The following MYL5 variants were observed in gnomAD, a reference collection of about 807,000 sequenced individuals.
The protein encoded by MYL5 is myosin regulatory light chain 5.
Under a neutral mutation model 20.8 loss-of-function variants are expected in MYL5, and 28 were observed. That is an observed-to-expected ratio of 1.35 (90% CI 1.00 to 1.84). MYL5 has a LOEUF of 1.84. Ranked by LOEUF, MYL5 falls within the 40% of genes most tolerant of loss-of-function variation. MYL5 has a pLI of 0.00. For synonymous variants in MYL5, 118 were observed against 87.4 expected (o/e 1.35, Z -1.95); for missense variants, 274 against 227.3 (o/e 1.21, Z -1.32).
In MYL5 at chr4:678,535, C is replaced by G. The variant is rs546458755; in HGVS notation, c.4-123C>G. Reference sequence around the variant, plus strand: ...GCTGGCATGCTCCTCAGCTGTCTGGCCCCCTCCAGCCCGAAGGGCTGAGGT... The same window carrying G: ...GCTGGCATGCTCCTCAGCTGTCTGGGCCCCTCCAGCCCGAAGGGCTGAGGT... On this transcript the variant is annotated intron_variant, in intron 1 of 6. Transcript: ENST00000400159. 1.8e-5 allele frequency: 26 copies of G among 1,464,064 alleles called. No individual in the cohort carries two copies. In the Admixed American group the frequency reaches 5.1e-4, roughly 28 times the overall value. 90.7% of individuals were successfully genotyped at this position (1,464,064 alleles called of 1,614,324 possible).
chr4:681,193 G>T, intron 6 of MYL5, 53 bp downstream of exon 8: 1 of 1,565,158 alleles, frequency 6.4e-7, no homozygotes, highest in South Asian at 1.2e-5. Flanking sequence ...GGGGCTCCCG[G>T]GGTCAGCTGG....
At chr4:681,607 CCCCTCCA>C (rs1739566699) in intron 6 of MYL5, among the ~76,000 whole-genome samples, 1 of 127,198 alleles carries the variant, frequency 7.9e-6, no homozygotes, top group Admixed American at 7.7e-5. Flanking sequence ...GCCGCCCCGC[CCCCTCCA>C]GCGCCGCCCC....
intron 6 of MYL5, 109 bp downstream of exon 8, chr4:681,249 C>G (rs1739462721): frequency 7.3e-7 from 1 of 1,366,266 alleles, no homozygotes; most frequent in Non-Finnish European, 1.0e-6. Flanking sequence ...CGGTTAGGAC[C>G]CAGGACAGAA....
chr4:681,618 C>G (rs1357008006), intron 6 of MYL5, among the ~76,000 whole-genome samples: 1 of 105,526 alleles, frequency 9.5e-6, no homozygotes, highest in Non-Finnish European at 2.0e-5. Flanking sequence ...CCCTCCAGCG[C>G]CGCCCCGCCC....
chr4:681,181 G>A (rs1188907500), intron 6 of MYL5, 41 bp downstream of exon 8: 6 of 1,585,000 alleles, frequency 3.8e-6, no homozygotes, highest in Non-Finnish European at 5.1e-6. Context: ...CGAGGGGAGG[G>A]CGGGGCTCCC....
rs565352605 is a variant in MYL5, at chr4:679,370, C to G, written c.187+337C>G. 3.8e-3 allele frequency among the ~76,000 whole-genome samples: 582 copies of G among 152,012 alleles called. 3 individuals are homozygous for G. Among genetic ancestry groups the G allele is most frequent in the African/African-American group, 0.013 (537 of 41,384 alleles). On this transcript the variant is annotated intron_variant, in intron 3 of 6. Coordinates refer to ENST00000400159, the Ensembl canonical transcript of MYL5. ...CCCCCAGGCAGGACCACAGAGCTGA[C>G]AGAGGGCATGGAGACCCTGCCCGGC... is the stretch of plus-strand genomic sequence containing the variant.
At chr4:676,502 C>A (rs1046937684), upstream of MYL5, 1 of 152,276 alleles carries the variant, frequency 6.6e-6, no homozygotes, top group African/African-American at 2.4e-5. Context: ...GCACACCGCC[C>A]GCAGGGGCCT....
At chr4:680,673 G>T in intron 5 of MYL5, 86 bp downstream of exon 7, 10 of 1,382,454 alleles carry the variant, frequency 7.2e-6, no homozygotes, top group Non-Finnish European at 1.0e-5. Flanking sequence ...TCAGCCACCA[G>T]ATGCCACGCC....
chr4:680,969 C>A, intron 5 of MYL5, 123 bp from the exon 8 acceptor site: 3 of 1,137,460 alleles, frequency 2.6e-6, no homozygotes, highest in South Asian at 1.3e-5. Flanking sequence ...GGCCACACTC[C>A]AGCGGGAAGG....
rs755590352 is a variant in MYL5, at chr4:678,615, G to C, written c.4-43G>C. ...AACTCTGGGTGCCCTGGAGGGTTTC[G>C]TCAGCCAGCCCAGGACCCTCAGCCA... On this transcript the variant is annotated intron_variant, in intron 1 of 6. Coordinates refer to ENST00000400159, the Ensembl canonical transcript of MYL5. 7 of 1,570,406 alleles carry C rather than the reference G, an allele frequency of 4.5e-6. No individual in the cohort carries two copies. The South Asian group carries it at 8.1e-5, about 18-fold the overall frequency.
chr4:676,387 C>T (rs1304588763), upstream of MYL5: 1 of 152,306 alleles, frequency 6.6e-6, no homozygotes. Context: ...AACATGCGGG[C>T]AAACACACAC....
At chr4:678,923 G>T (rs1739138967) in intron 2 of MYL5, 35 bp from the exon 5 acceptor site, 1 of 1,611,964 alleles carries the variant, frequency 6.2e-7, no homozygotes, top group Admixed American at 1.7e-5. Context: ...GCCCAGCCGG[G>T]TTGGCAGCAC....
At chr4:679,696 C>G (rs1169497319) in intron 3 of MYL5, among the ~76,000 whole-genome samples, 1 of 152,218 alleles carries the variant, frequency 6.6e-6, no homozygotes, top group Non-Finnish European at 1.5e-5. Context: ...TGTCACCTCC[C>G]TCTCCCTCAG....
chr4:676,866 C>T, upstream of MYL5: 1 of 985,280 alleles, frequency 1.0e-6, no homozygotes, highest in Non-Finnish European at 1.2e-6. Flanking sequence ...GTCATGCCTC[C>T]AGGGTCCTCA....
chr4:678,607 AG>A (rs1272149354), intron 1 of MYL5, 50 bp from the exon 4 acceptor site: 2 of 1,563,858 alleles, frequency 1.3e-6, no homozygotes, highest in Non-Finnish European at 1.7e-6. Context: ...GGTGCCCTGG[AG>A]GGTTTCGTCA....
chr4:680,269 G>C (rs536998529), intron 4 of MYL5, among the ~76,000 whole-genome samples: 2 of 152,238 alleles, frequency 1.3e-5, no homozygotes, highest in Admixed American at 1.3e-4. Context: ...CTCACCCCCA[G>C]CTCCAGGCCT....
chr4:681,634 AGCGCCGCC>A lies in MYL5; in HGVS notation c.421-258_421-251del. Among the ~76,000 whole-genome samples the A allele has an allele frequency of 9.4e-4, 2 of 2,136 alleles. 1 individual carries two copies. Among genetic ancestry groups the A allele is most frequent in the Non-Finnish European group, 2.1e-3 (2 of 958 alleles). 1.4% of individuals were successfully genotyped at this position (2,136 alleles called of 152,430 possible). A position where few individuals can be genotyped will look rare whatever the true frequency, so the allele number is the denominator to read the frequency against. On this transcript the variant is annotated intron_variant, in intron 6 of 6. Transcript: ENST00000400159. The stretch of plus-strand genomic sequence containing the variant: ...CCTCCAGCGCCGCCCCGCCCCCTCC[AGCGCCGCC>A]CCGCCCCCTCCAGCGCCGCCCCGCC...
chr4:678,189 T>C, intron 1 of MYL5, 160 bp downstream of exon 3: 2 of 1,530,116 alleles, frequency 1.3e-6, no homozygotes, highest in Non-Finnish European at 1.8e-6. Context: ...TGAGCGTGTG[T>C]ATGTGCGTGT....
intron 6 of MYL5, 26 bp from the exon 9 acceptor site, chr4:681,856 CGGAGCCCGCAA>C: frequency 7.7e-7 from 1 of 1,305,598 alleles, no homozygotes; most frequent in Non-Finnish European, 9.8e-7. Flanking sequence ...AATTCGCTCC[CGGAGCCCGCAA>C]GGAGCCCTTT....
Sources: allele counts gnomAD v4.1 joint callset (sites outside exome capture counted in the v4.1 genomes callset), GRCh38; gene constraint gnomAD v4.1.1; transcripts MANE v1.5; gene names NCBI Gene and HGNC (gene_info 2026-07-23, HGNC 2026-07-21).